CCM2: variants seen among roughly 807,000 people sequenced by gnomAD.
CCM2 encodes the protein cerebral cavernous malformations 2 protein.
CCM2 carries 25 observed loss-of-function variants against 44.9 expected under a neutral mutation model. That is an observed-to-expected ratio of 0.56 (90% CI 0.41 to 0.78). CCM2 has a LOEUF of 0.78. CCM2 is among the 30% of genes least tolerant of loss of function. The probability of loss-of-function intolerance (pLI) is 0.00; values close to 1 mark genes in which losing one functional copy is unlikely to be tolerated. For synonymous variants in CCM2, 219 were observed against 241.1 expected, an observed-to-expected ratio of 0.91 and a Z score of 0.85; for missense variants, 481 against 580.6, an observed-to-expected ratio of 0.83 and a Z score of 1.76.
At position 45,076,089 on chromosome 7, in the gene CCM2, C is replaced by T. The variant is rs749246649; in HGVS notation, c.*32C>T. The T allele has an allele frequency of 6.2e-7, 1 of 1,612,188 alleles. No individual in the cohort carries two copies. Among genetic ancestry groups the T allele is most frequent in the Non-Finnish European group, 8.5e-7 (1 of 1,179,954 alleles). The stretch of plus-strand genomic sequence containing the variant: ...GTGGATGGGGGGGCACCCACACCTT[C>T]CGCGCAGTCGTCATAGGCCTTCCCA... On this transcript the variant is annotated 3_prime_UTR_variant, in exon 10 of 10. Coordinates refer to ENST00000258781, the MANE Select transcript of CCM2 (RefSeq NM_031443.4).
chr7:44,999,849 G>T (rs746870610), upstream of CCM2: 8 of 418,212 alleles, frequency 1.9e-5, no homozygotes, highest in South Asian at 1.3e-4. Context: ...CGAACAGGGG[G>T]CTGGACAGGT....
At chr7:45,028,775 G>A (rs969861736) in intron 1 of CCM2, among the ~76,000 whole-genome samples, 4 of 151,992 alleles carry the variant, frequency 2.6e-5, no homozygotes, top group Non-Finnish European at 5.9e-5. Flanking sequence ...CCATTGGTAG[G>A]CACCAAAGCA....
chr7:45,026,016 A>G (rs942629728), intron 1 of CCM2, among the ~76,000 whole-genome samples: 4 of 152,150 alleles, frequency 2.6e-5, no homozygotes, highest in Non-Finnish European at 4.4e-5. Context: ...GGGGTTGACT[A>G]GTGTTCAGAG....
intron 1 of CCM2, among the ~76,000 whole-genome samples, chr7:45,033,476 A>G: frequency 6.6e-6 from 1 of 152,210 alleles, no homozygotes; most frequent in East Asian, 1.9e-4. Flanking sequence ...TTTGGCTAAC[A>G]GGCAGCTTTC....
intron 4 of CCM2, 65 bp from the exon 5 acceptor site, chr7:45,068,377 GT>G (rs2128749789): frequency 6.2e-7 from 1 of 1,609,144 alleles, no homozygotes; most frequent in South Asian, 1.1e-5. Flanking sequence ...GGCCTCAGCT[GT>G]TTCCTCAAGT....
At position 45,076,329 on chromosome 7, in the gene CCM2, G is replaced by T. The variant is rs773810762; in HGVS notation, c.*272G>T. ...GTCCCCGCTCGGGGAGGGCCCGGCC[G>T]AGCGGGCAGGGAGAGCCAGTCCTGT... On this transcript the variant is annotated 3_prime_UTR_variant, in exon 10 of 10. Coordinates refer to ENST00000258781, the MANE Select transcript of CCM2 (RefSeq NM_031443.4). 2.2e-5 allele frequency: 14 copies of T among 636,360 alleles called. No individual in the cohort carries two copies. In the Admixed American group the frequency reaches 2.7e-4, roughly 12 times the overall value. The allele number at this position is 636,360 out of a possible 1,614,324, so 39.4% of individuals were successfully genotyped here.
intron 2 of CCM2, among the ~76,000 whole-genome samples, chr7:45,058,753 A>C (rs945105840): frequency 4.6e-5 from 7 of 151,902 alleles, no homozygotes; most frequent in Non-Finnish European, 1.0e-4. Context: ...ATTTTTCTTT[A>C]GCCAGTTGAT....
chr7:45,037,749 T>C (rs1202561570), intron 1 of CCM2, among the ~76,000 whole-genome samples: 1 of 151,966 alleles, frequency 6.6e-6, no homozygotes, highest in Non-Finnish European at 1.5e-5. Context: ...GCATTGGAGC[T>C]CAACACACTC....
intron 7 of CCM2, 136 bp from the exon 8 acceptor site, chr7:45,073,321 CTCA>C (rs1049745277): frequency 1.7e-4 from 115 of 664,182 alleles, no homozygotes; most frequent in Middle Eastern, 3.3e-4. Flanking sequence ...CAGCTCTCCT[CTCA>C]TCATCATCAT....
chr7:45,066,664 ATGACT>A (rs1583975604), intron 4 of CCM2, among the ~76,000 whole-genome samples: 1 of 152,066 alleles, frequency 6.6e-6, no homozygotes, highest in African/African-American at 2.4e-5. Flanking sequence ...TTGGAGGGTG[ATGACT>A]TGAGTTGGTG....
intron 2 of CCM2, among the ~76,000 whole-genome samples, chr7:45,055,639 G>C (rs1798221550): frequency 6.6e-6 from 1 of 152,204 alleles, no homozygotes; most frequent in Non-Finnish European, 1.5e-5. Context: ...AGTGAGCTGA[G>C]ATCGCACCAC....
At chr7:45,074,221 A>T in intron 8 of CCM2, 49 bp from the exon 9 acceptor site, 1 of 1,611,404 alleles carries the variant, frequency 6.2e-7, no homozygotes, top group Non-Finnish European at 8.5e-7. Context: ...CCGACTGCCG[A>T]CTCTTGCCTA....
At chr7:45,016,147 CGTAGCCTTTGGCAGAGCCTGAAAG>C (rs1250014700) in intron 1 of CCM2, among the ~76,000 whole-genome samples, 1 of 152,122 alleles carries the variant, frequency 6.6e-6, no homozygotes, top group African/African-American at 2.4e-5. Flanking sequence ...GGCTGGGAAG[CGTAGCCTTTGGCAGAGCCTGAAAG>C]GTAGGCACTT....
intron 2 of CCM2, among the ~76,000 whole-genome samples, chr7:45,039,751 G>T (rs777950124): frequency 6.6e-6 from 1 of 152,226 alleles, no homozygotes; most frequent in Non-Finnish European, 1.5e-5. Context: ...ATTAGGCCAG[G>T]TGCGGTGGCT....
intron 2 of CCM2, among the ~76,000 whole-genome samples, chr7:45,058,192 A>G (rs968702139): frequency 7.2e-5 from 11 of 152,246 alleles, no homozygotes; most frequent in Admixed American, 4.6e-4. Flanking sequence ...CTTCTCTTGC[A>G]TAATTGCATT....
At position 45,003,525 on chromosome 7, in the gene CCM2, G is replaced by C. The variant is rs549994949; in HGVS notation, c.30+3162G>C. The stretch of plus-strand genomic sequence containing the variant: ...AAGCAGGCGGATCACTTGACACCAG[G>C]AGTTTGAGACCAGCCTGGCCAGCAT... On this transcript the variant is annotated intron_variant, in intron 1 of 9. Transcript: ENST00000258781. Among the ~76,000 whole-genome samples the C allele has an allele frequency of 9.2e-5, 14 of 152,048 alleles. No homozygotes were observed. In the East Asian group the frequency reaches 2.3e-3, roughly 26 times the overall value.
chr7:45,035,457 C>T (rs570660596), intron 1 of CCM2, among the ~76,000 whole-genome samples: 101 of 152,154 alleles, frequency 6.6e-4, no homozygotes, highest in African/African-American at 2.2e-3. Context: ...TGGGAGGGGG[C>T]CTATTCCAGG....
At chr7:45,040,051 A>G (rs576183776) in intron 2 of CCM2, among the ~76,000 whole-genome samples, 2 of 151,736 alleles carry the variant, frequency 1.3e-5, no homozygotes, top group South Asian at 2.1e-4. Flanking sequence ...CAAAACAACT[A>G]TGTTATTTAT....
At chr7:44,999,855 C>G, upstream of CCM2, 1 of 413,142 alleles carries the variant, frequency 2.4e-6, no homozygotes, top group Admixed American at 2.7e-5. Context: ...GGGGGCTGGA[C>G]AGGTGCGTTC....
Sources: gnomAD v4.1 joint callset for allele counts (sites outside exome capture counted in the v4.1 genomes callset) on GRCh38, gnomAD v4.1.1 for gene constraint, MANE v1.5 for transcripts, NCBI Gene and HGNC (gene_info 2026-07-23, HGNC 2026-07-21) for gene names.